Variants in EGFR observed in about 807,000 individuals in gnomAD.
EGFR encodes epidermal growth factor receptor.
In EGFR, 58 loss-of-function variants were observed where a neutral mutation model predicts 143.0. The observed-to-expected ratio is 0.41, with a 90% CI of 0.33 to 0.50. EGFR has a LOEUF of 0.50. EGFR is among the 20% of genes least tolerant of loss of function. The pLI, the probability that EGFR is intolerant of heterozygous loss-of-function variation, is 0.39. For synonymous variants in EGFR, 613 were observed against 594.4 expected (o/e 1.03, Z -0.45); for missense variants, 1,307 against 1,579.0 (o/e 0.83, Z 2.92).
At chr7:55,160,373 G>A (rs780709682) in intron 12 of EGFR, 35 bp downstream of exon 12, 2 of 1,594,858 alleles carry the variant, frequency 1.3e-6, no homozygotes, top group Non-Finnish European at 1.7e-6. Flanking sequence ...TTATGGAGTT[G>A]GTTCTAATGG....
rs940754282 is a variant in EGFR at position 55,075,616 on chromosome 7, C to T, written c.88+56251C>T. Among the ~76,000 whole-genome samples the T allele has an allele frequency of 5.9e-5, 9 of 152,134 alleles. No homozygotes were observed. The South Asian group carries it at 1.0e-3, about 18-fold the overall frequency. On this transcript the variant is annotated intron_variant, in intron 1 of 27. Coordinates refer to ENST00000275493, the MANE Select transcript of EGFR (RefSeq NM_005228.5). ...TTGAGCTGGGTTATAATGGGCCACC[C>T]AAAGCTCGAGTTCCTGTAATGGATA...
chr7:55,027,829 A>G (rs577338341), intron 1 of EGFR, among the ~76,000 whole-genome samples: 4 of 151,998 alleles, frequency 2.6e-5, no homozygotes, highest in Non-Finnish European at 5.9e-5. Context: ...ATTAGAAGAG[A>G]CATCTATGTT....
intron 1 of EGFR, among the ~76,000 whole-genome samples, chr7:55,050,179 A>G (rs1270719908): frequency 6.6e-6 from 1 of 152,208 alleles, no homozygotes; most frequent in Admixed American, 6.5e-5. Flanking sequence ...CATAAACACC[A>G]TTCATCTCCA....
At chr7:55,192,948 A>G in intron 22 of EGFR, 107 bp downstream of exon 22, 2 of 973,516 alleles carry the variant, frequency 2.1e-6, no homozygotes, top group South Asian at 2.7e-5. Context: ...TTCTTTCGAG[A>G]TAATGACTAA....
intron 3 of EGFR, among the ~76,000 whole-genome samples, chr7:55,143,910 C>T (rs554729125): frequency 2.6e-5 from 4 of 152,030 alleles, no homozygotes; most frequent in Admixed American, 6.6e-5. Context: ...TCGAGAGTCG[C>T]GCTGCTACAC....
chr7:55,088,815 T>C (rs191510016), intron 1 of EGFR, among the ~76,000 whole-genome samples: 1 of 152,336 alleles, frequency 6.6e-6, no homozygotes, highest in East Asian at 1.9e-4. Flanking sequence ...AAACATCAAG[T>C]TCTGGAGACT....
At chr7:55,126,997 G>A (rs1350588767) in intron 1 of EGFR, among the ~76,000 whole-genome samples, 1 of 152,176 alleles carries the variant, frequency 6.6e-6, no homozygotes, top group Non-Finnish European at 1.5e-5. Context: ...CTTGGGGGCA[G>A]TGCAAGTGTA....
At chr7:55,021,317 G>T (rs1244967277) in intron 1 of EGFR, among the ~76,000 whole-genome samples, 1 of 152,214 alleles carries the variant, frequency 6.6e-6, no homozygotes, top group Non-Finnish European at 1.5e-5. Flanking sequence ...TGTCAGCCCT[G>T]TCTCTGCCGA....
chr7:55,081,455 A>G (rs1441961740), intron 1 of EGFR, among the ~76,000 whole-genome samples: 1 of 152,158 alleles, frequency 6.6e-6, no homozygotes, highest in Non-Finnish European at 1.5e-5. Flanking sequence ...GACTCCCGAC[A>G]AAGGCCAGGT....
intron 1 of EGFR, among the ~76,000 whole-genome samples, chr7:55,047,706 G>A (rs1474160112): frequency 6.6e-6 from 1 of 152,136 alleles, no homozygotes; most frequent in East Asian, 1.9e-4. Flanking sequence ...AGCTGAGATC[G>A]CATCATTGTA....
At chr7:55,040,587 T>G (rs1332318723) in intron 1 of EGFR, among the ~76,000 whole-genome samples, 1 of 152,232 alleles carries the variant, frequency 6.6e-6, no homozygotes. Flanking sequence ...TTACTCTGCA[T>G]TTTATCATTG....
chr7:55,109,981 A>C, intron 1 of EGFR: 1 of 982,342 alleles, frequency 1.0e-6, no homozygotes, highest in Non-Finnish European at 1.2e-6. Flanking sequence ...ATGAGGAGGC[A>C]CAGAAAGAAA....
chr7:55,125,479 G>A (rs1390653415), intron 1 of EGFR, among the ~76,000 whole-genome samples: 1 of 152,206 alleles, frequency 6.6e-6, no homozygotes, highest in Non-Finnish European at 1.5e-5. Flanking sequence ...ACAGCACTGG[G>A]TGCTCCAGCT....
At chr7:55,026,598 A>T (rs529039997) in intron 1 of EGFR, among the ~76,000 whole-genome samples, 1 of 152,324 alleles carries the variant, frequency 6.6e-6, no homozygotes, top group East Asian at 1.9e-4. Flanking sequence ...GTCCCGAGAT[A>T]ACCCCCCTCC....
intron 7 of EGFR, 78 bp downstream of exon 7, chr7:55,154,230 C>G (rs1362087545): frequency 8.1e-6 from 13 of 1,604,176 alleles, no homozygotes; most frequent in Admixed American, 1.7e-5. Context: ...CCTGGAGTAT[C>G]CCATCTTGGA....
intron 13 of EGFR, among the ~76,000 whole-genome samples, chr7:55,162,486 A>G (rs1322131261): frequency 1.3e-5 from 2 of 152,270 alleles, no homozygotes; most frequent in Non-Finnish European, 2.9e-5. Flanking sequence ...CATAATTGAT[A>G]GTGCTGCTTC....
chr7:55,022,910 T>G (rs1049389734), intron 1 of EGFR, among the ~76,000 whole-genome samples: 1 of 152,246 alleles, frequency 6.6e-6, no homozygotes, highest in Admixed American at 6.5e-5. Context: ...AGAAGTAGTC[T>G]CAGCAAAGAT....
rs571416911 is a variant in EGFR at position 55,129,438 on chromosome 7, A to C, written c.89-12848A>C. On this transcript the variant is annotated intron_variant, in intron 1 of 27. Transcript: ENST00000275493. The stretch of plus-strand genomic sequence containing the variant: ...CAAGGGACTGGTTTCAGCTTAACAT[A>C]AGGAACAATTATGTGATAGGGTTGT... Among the ~76,000 whole-genome samples, 8 of 152,368 alleles carry C rather than the reference A, an allele frequency of 5.3e-5. No individual in the cohort carries two copies. In the South Asian group the frequency reaches 1.7e-3, roughly 32 times the overall value.
chr7:55,202,758 C>A (rs2128973358), intron 27 of EGFR, 133 bp downstream of exon 27: 1 of 811,324 alleles, frequency 1.2e-6, no homozygotes, highest in Non-Finnish European at 2.1e-6. Context: ...GATTTGCAGA[C>A]ACAGTGAAGG....
Sources: allele counts gnomAD v4.1 joint callset (sites outside exome capture counted in the v4.1 genomes callset), GRCh38; gene constraint gnomAD v4.1.1; transcripts MANE v1.5; gene names NCBI Gene and HGNC (gene_info 2026-07-23, HGNC 2026-07-21).